The following KCTD16 variants were observed in gnomAD, a reference collection of about 807,000 sequenced individuals.
KCTD16 encodes potassium channel tetramerization domain containing 16, also known as BTB/POZ domain-containing protein KCTD16.
A neutral mutation model predicts 33.2 loss-of-function variants in KCTD16; 13 were observed. That is an observed-to-expected ratio of 0.39 (90% CI 0.25 to 0.62). KCTD16 has a LOEUF of 0.62. Ranked by LOEUF, KCTD16 falls within the 20% of genes least tolerant of loss-of-function variation. The pLI is 0.50. For synonymous variants in KCTD16, 197 were observed against 195.3 expected (o/e 1.01, Z -0.07); for missense variants, 441 against 525.1 (o/e 0.84, Z 1.57).
chr5:144,379,048 G>T (rs372539248), intron 3 of KCTD16, among the ~76,000 whole-genome samples: 9 of 152,146 alleles, frequency 5.9e-5, no homozygotes, highest in African/African-American at 1.9e-4. Flanking sequence ...GAATACTGAC[G>T]TTTGGCAATT....
chr5:144,398,695 T>C (rs1175613260), intron 3 of KCTD16, among the ~76,000 whole-genome samples: 1 of 148,772 alleles, frequency 6.7e-6, no homozygotes. Flanking sequence ...TTGAATATAT[T>C]ACACACACAC....
chr5:144,320,915 G>T (rs1274302002), intron 3 of KCTD16, among the ~76,000 whole-genome samples: 1 of 152,122 alleles, frequency 6.6e-6, no homozygotes, highest in African/African-American at 2.4e-5. Context: ...GAGTGCAATG[G>T]CGTGATCTCG....
intron 3 of KCTD16, among the ~76,000 whole-genome samples, chr5:144,330,648 A>G (rs553443868): frequency 1.5e-4 from 23 of 152,226 alleles, no homozygotes; most frequent in African/African-American, 5.5e-4. Flanking sequence ...AGCTTCTGAT[A>G]TGTCAAGCAA....
chr5:144,373,648 G>A (rs968196842), intron 3 of KCTD16, among the ~76,000 whole-genome samples: 17 of 152,070 alleles, frequency 1.1e-4, no homozygotes, highest in African/African-American at 4.1e-4. Context: ...TCAGCATATA[G>A]GTCTGTTTAT....
intron 3 of KCTD16, among the ~76,000 whole-genome samples, chr5:144,462,210 G>C (rs1176103397): frequency 6.6e-6 from 1 of 151,550 alleles, no homozygotes; most frequent in Non-Finnish European, 1.5e-5. Context: ...ATTTGTAATT[G>C]CATTTCTTTG....
At chr5:144,179,187 G>T (rs1376350333) in intron 2 of KCTD16, among the ~76,000 whole-genome samples, 1 of 152,134 alleles carries the variant, frequency 6.6e-6, no homozygotes, top group African/African-American at 2.4e-5. Flanking sequence ...GTTCCTAAAG[G>T]TTTGGCCATG....
chr5:144,397,080 C>G (rs541870143), intron 3 of KCTD16, among the ~76,000 whole-genome samples: 333 of 124,704 alleles, frequency 2.7e-3, no homozygotes, highest in African/African-American at 9.3e-3. Context: ...CCCCTCCCCC[C>G]ACCCCACAAC....
chr5:144,206,895 ACGG>A lies in KCTD16; in HGVS notation c.183_185del (p.Ala62del). On this transcript the variant is annotated inframe_deletion, in exon 3 of 4. Transcript: ENST00000512467. ...GAAAATGTTTTCCCCAAAGAGAGAC[ACGG>A]CTAATGATCTAGCCAAGGACTCCAA... The A allele has an allele frequency of 1.2e-6, 2 of 1,614,154 alleles. No homozygotes were observed. Among genetic ancestry groups the A allele is most frequent in the Non-Finnish European group, 1.7e-6 (2 of 1,180,020 alleles).
chr5:144,400,162 C>G (rs1752670348), intron 3 of KCTD16, among the ~76,000 whole-genome samples: 1 of 152,176 alleles, frequency 6.6e-6, no homozygotes, highest in African/African-American at 2.4e-5. Flanking sequence ...AACCAGGATA[C>G]AGTTCTTGTG....
intron 3 of KCTD16, among the ~76,000 whole-genome samples, chr5:144,399,569 C>T (rs532076160): frequency 1.3e-5 from 2 of 152,218 alleles, no homozygotes; most frequent in South Asian, 2.1e-4. Flanking sequence ...ACCCTTTCCT[C>T]ATTCTAAAAA....
intron 3 of KCTD16, among the ~76,000 whole-genome samples, chr5:144,287,548 T>C (rs1473899698): frequency 6.6e-6 from 1 of 152,184 alleles, no homozygotes; most frequent in Non-Finnish European, 1.5e-5. Context: ...TTCCAATCCA[T>C]GCAGTTGGTT....
chr5:144,255,411 C>T (rs1374188704), intron 3 of KCTD16, among the ~76,000 whole-genome samples: 2 of 151,956 alleles, frequency 1.3e-5, no homozygotes, highest in Non-Finnish European at 2.9e-5. Context: ...AACCTCCATT[C>T]CATTTTCCAT....
chr5:144,440,809 G>A (rs920984678), intron 3 of KCTD16, among the ~76,000 whole-genome samples: 1 of 151,774 alleles, frequency 6.6e-6, no homozygotes, highest in African/African-American at 2.4e-5. Flanking sequence ...TGTTACATAC[G>A]TATACATGTG....
At chr5:144,380,013 G>C (rs1752175778) in intron 3 of KCTD16, among the ~76,000 whole-genome samples, 1 of 151,962 alleles carries the variant, frequency 6.6e-6, no homozygotes, top group Admixed American at 6.6e-5. Context: ...CATATATGCA[G>C]TTGCAAGTGT....
In KCTD16 at chr5:144,474,782, T is replaced by C. The variant is rs1754559367; in HGVS notation, c.*668T>C. 1 of 152,212 alleles carries C rather than the reference T, an allele frequency of 6.6e-6. No individual in the cohort carries two copies. Among genetic ancestry groups the C allele is most frequent in the Non-Finnish European group, 1.5e-5 (1 of 68,000 alleles). 9.4% of individuals were successfully genotyped at this position (152,212 alleles called of 1,614,324 possible). ...TCAGATGGATGAGCTTCTGACTCTT[T>C]CTTAAAATTCTTTTGGGAAGATTTC... is the stretch of plus-strand genomic sequence containing the variant. On this transcript the variant is annotated 3_prime_UTR_variant, in exon 4 of 4. Transcript: ENST00000512467.
intron 3 of KCTD16, among the ~76,000 whole-genome samples, chr5:144,464,510 T>C (rs1754272764): frequency 6.6e-6 from 1 of 152,168 alleles, no homozygotes; most frequent in Admixed American, 6.5e-5. Context: ...CATCCTACAG[T>C]GCAGAGGATG....
intron 3 of KCTD16, among the ~76,000 whole-genome samples, chr5:144,371,657 T>A (rs1445531472): frequency 6.6e-6 from 1 of 152,144 alleles, no homozygotes; most frequent in Non-Finnish European, 1.5e-5. Context: ...ATCTTTAGGT[T>A]AGGTTCTGTG....
intron 3 of KCTD16, among the ~76,000 whole-genome samples, chr5:144,393,406 T>A (rs1299919530): frequency 6.6e-6 from 1 of 152,186 alleles, no homozygotes; most frequent in East Asian, 1.9e-4. Flanking sequence ...GGGGTAAATC[T>A]GTGTGTTTTT....
chr5:144,404,594 GA>G (rs1026966822), intron 3 of KCTD16, among the ~76,000 whole-genome samples: 3 of 152,150 alleles, frequency 2.0e-5, no homozygotes, highest in African/African-American at 7.2e-5. Flanking sequence ...TTTGGAAAGT[GA>G]AAAGCAGAAA....
Sources: allele counts gnomAD v4.1 joint callset (sites outside exome capture counted in the v4.1 genomes callset), GRCh38; gene constraint gnomAD v4.1.1; transcripts MANE v1.5; gene names NCBI Gene and HGNC (gene_info 2026-07-23, HGNC 2026-07-21).